The following ABCA1 variants were observed in gnomAD, a reference collection of about 807,000 sequenced individuals.
The protein encoded by ABCA1 is phospholipid-transporting ATPase ABCA1.
Under a neutral mutation model 262.5 loss-of-function variants are expected in ABCA1, and 133 were observed. That is an observed-to-expected ratio of 0.51 (90% CI 0.44 to 0.59). The LOEUF (loss-of-function observed/expected upper bound fraction) is 0.59, where lower values mean the gene tolerates loss of function less well. ABCA1 is among the 20% of genes least tolerant of loss of function. ABCA1 has a pLI of 0.00. For synonymous variants in ABCA1, 1,022 were observed against 1,043.5 expected, an observed-to-expected ratio of 0.98 and a Z score of 0.40; for missense variants, 2,452 against 2,777.5, an observed-to-expected ratio of 0.88 and a Z score of 2.63.
Position 104,810,925 on chromosome 9 carries a change from C to A in ABCA1, c.4051-1G>T. 3 of 1,614,182 alleles carry A rather than the reference C, an allele frequency of 1.9e-6. No individual in the cohort carries two copies. The highest frequency in any genetic ancestry group is 2.5e-6 in the Non-Finnish European group (3 of 1,180,032). ...AGACAAACACAGCTGGCAAGACAAT[C>A]TTTACCCAGGCAGTGGAGGGGGCAG... On this transcript the variant is annotated splice_acceptor_variant, in intron 28 of 49. Coordinates refer to ENST00000374736, the MANE Select transcript of ABCA1 (RefSeq NM_005502.4). LOFTEE classifies it high-confidence loss of function.
At chr9:104,852,532 G>A (rs888676432) in intron 7 of ABCA1, among the ~76,000 whole-genome samples, 3 of 152,126 alleles carry the variant, frequency 2.0e-5, no homozygotes, top group African/African-American at 7.2e-5. Flanking sequence ...TCTTAGATCT[G>A]GCAACAATAT....
In ABCA1 at chr9:104,782,723, A is replaced by G. The variant is rs182916331; in HGVS notation, c.*1592T>C. On this transcript the variant is annotated 3_prime_UTR_variant, in exon 50 of 50. Coordinates refer to ENST00000374736, the MANE Select transcript of ABCA1 (RefSeq NM_005502.4). ...TCTGCAAAGCCAATTATTTGAAGGT[A>G]CTAAATGCCATAAACACAAGTTGTG... is the stretch of plus-strand genomic sequence containing the variant. 1.4e-4 allele frequency: 21 copies of G among 152,310 alleles called. No homozygotes were observed. The highest frequency in any genetic ancestry group is 4.8e-4 in the African/African-American group (20 of 41,564). The allele number at this position is 152,310 out of a possible 1,614,324, so 9.4% of individuals were successfully genotyped here.
At chr9:104,912,450 ATAT>A (rs1437618450) in intron 1 of ABCA1, among the ~76,000 whole-genome samples, 1 of 152,212 alleles carries the variant, frequency 6.6e-6, no homozygotes, top group African/African-American at 2.4e-5. Context: ...AACTCCATCT[ATAT>A]CATGTCACTG....
chr9:104,862,980 A>G (rs1836770750), intron 5 of ABCA1, among the ~76,000 whole-genome samples: 1 of 151,744 alleles, frequency 6.6e-6, no homozygotes, highest in African/African-American at 2.4e-5. Context: ...ATTAACATAT[A>G]TTTAAACCAT....
Position 104,817,184 on chromosome 9 carries a change from C to T in ABCA1, c.3535+148G>A. ...ATTAGGCCAACCCGCCACCAAGCTGCTCCCACACCCGCAGCCACCCAGCCC... is the reference window on the plus strand; with the variant it reads ...ATTAGGCCAACCCGCCACCAAGCTGTTCCCACACCCGCAGCCACCCAGCCC... On this transcript the variant is annotated intron_variant, in intron 24 of 49. Coordinates refer to ENST00000374736, the MANE Select transcript of ABCA1 (RefSeq NM_005502.4). This position sits in a 1 kb window ranked among gnomAD's most constrained non-coding sequence, Gnocchi z 4.7. 2 of 1,548,868 alleles carry T rather than the reference C, an allele frequency of 1.3e-6. No homozygotes were observed. Among genetic ancestry groups the T allele is most frequent in the South Asian group, 2.4e-5 (2 of 84,984 alleles).
chr9:104,856,638 G>A (rs1237354617), intron 7 of ABCA1, among the ~76,000 whole-genome samples: 1 of 152,218 alleles, frequency 6.6e-6, no homozygotes, highest in Non-Finnish European at 1.5e-5. Flanking sequence ...GGCATTGTGT[G>A]AGTGGAGGGA....
chr9:104,896,525 G>A (rs1377117743), intron 2 of ABCA1, among the ~76,000 whole-genome samples: 1 of 151,664 alleles, frequency 6.6e-6, no homozygotes, highest in Non-Finnish European at 1.5e-5. Flanking sequence ...CATTCAATGG[G>A]GAAAAAACAG....
At chr9:104,786,214 TA>T in intron 48 of ABCA1, 83 bp downstream of exon 48, 8 of 1,166,898 alleles carry the variant, frequency 6.9e-6, no homozygotes, top group Non-Finnish European at 1.0e-5. Context: ...CCCTTTATGT[TA>T]GAGGCACCAT....
intron 13 of ABCA1, 60 bp downstream of exon 13, chr9:104,831,562 A>G: frequency 7.2e-7 from 1 of 1,389,918 alleles, no homozygotes; most frequent in Non-Finnish European, 1.0e-6. Flanking sequence ...CTCTTGTCCT[A>G]ATATAATAGG....
intron 35 of ABCA1, among the ~76,000 whole-genome samples, 186 bp from the exon 36 acceptor site, chr9:104,800,174 T>C (rs768112411): frequency 1.3e-5 from 2 of 152,222 alleles, no homozygotes; most frequent in Non-Finnish European, 1.5e-5. Flanking sequence ...TCACTGACTA[T>C]GTGGGCAGGC....
At chr9:104,870,346 C>T (rs1837488592) in intron 5 of ABCA1, among the ~76,000 whole-genome samples, 1 of 152,228 alleles carries the variant, frequency 6.6e-6, no homozygotes, top group African/African-American at 2.4e-5. Context: ...AAAATCCCTG[C>T]CCTTGCATTC....
rs771861910 is a variant in ABCA1, at chr9:104,814,153, T to G, written c.3866A>C (p.Asp1289Ala). The G allele has an allele frequency of 4.3e-6, 7 of 1,614,108 alleles. No homozygotes were observed. The highest frequency in any genetic ancestry group is 2.2e-5 in the East Asian group (1 of 44,890). The stretch of plus-strand genomic sequence containing the variant: ...GTCAGAATCATTTGGATCAGCAGCA[T>G]CATCTTCAGTGAACGGGCGAAGACA... The part of the protein sequence containing the change: ...QSCLRPFTED[D>A]AADPNDSDID... The change falls in exon 27 of 50, where the codon GAT becomes GCT. Residue 1289 changes from aspartate (D) to alanine (A), a missense_variant. Physicochemically the swap from Asp to Ala is moderately radical, Grantham distance 126. Coordinates refer to ENST00000374736, the MANE Select transcript of ABCA1 (RefSeq NM_005502.4).
At chr9:104,815,537 A>G (rs915781953) in intron 25 of ABCA1, among the ~76,000 whole-genome samples, 2 of 152,216 alleles carry the variant, frequency 1.3e-5, no homozygotes, top group Non-Finnish European at 2.9e-5. Flanking sequence ...ATCTCATGTC[A>G]GCATTCCTGA....
chr9:104,844,721 C>T (rs1160835586), intron 8 of ABCA1, among the ~76,000 whole-genome samples: 1 of 152,192 alleles, frequency 6.6e-6, no homozygotes, highest in African/African-American at 2.4e-5. Flanking sequence ...TTTCCAATAT[C>T]CTACACGTTA....
At chr9:104,899,185 G>A (rs1840458321) in intron 2 of ABCA1, among the ~76,000 whole-genome samples, 1 of 152,148 alleles carries the variant, frequency 6.6e-6, no homozygotes, top group Admixed American at 6.5e-5. Flanking sequence ...GTTTTCCTAG[G>A]CCACTGAGGC....
intron 6 of ABCA1, 99 bp downstream of exon 6, chr9:104,861,580 A>G: frequency 2.0e-6 from 3 of 1,516,600 alleles, no homozygotes; most frequent in Non-Finnish European, 2.7e-6. Flanking sequence ...CCTCCCCTTC[A>G]CCACCATTAC....
chr9:104,814,306 C>G, intron 26 of ABCA1, 75 bp from the exon 27 acceptor site: 2 of 1,563,074 alleles, frequency 1.3e-6, no homozygotes, highest in Admixed American at 3.4e-5. Context: ...TGCAACAAAC[C>G]TACACTCTAC....
At chr9:104,800,419 C>T (rs1287258630) in intron 35 of ABCA1, 91 bp downstream of exon 35, 1 of 1,234,898 alleles carries the variant, frequency 8.1e-7, no homozygotes, top group Non-Finnish European at 1.2e-6. Context: ...TGTGAATGCC[C>T]CTGCCAACTT....
chr9:104,919,333 C>T (rs7872096), intron 1 of ABCA1, among the ~76,000 whole-genome samples: 10,094 of 152,052 alleles, frequency 0.066, 401 homozygotes, highest in African/African-American at 0.12. Context: ...AAACTTAGGC[C>T]GGGCACTGTG....
Sources: gnomAD v4.1 joint callset for allele counts (sites outside exome capture counted in the v4.1 genomes callset) on GRCh38, gnomAD v4.1.1 for gene constraint, Gnocchi (gnomAD v3.1) non-coding constraint, MANE v1.5 for transcripts, NCBI Gene and HGNC (gene_info 2026-07-23, HGNC 2026-07-21) for gene names.